Variants in ALX4 observed in about 807,000 individuals in gnomAD.
The protein encoded by ALX4 is homeobox protein aristaless-like 4.
In ALX4, 22 loss-of-function variants were observed where a neutral mutation model predicts 40.6. That is an observed-to-expected ratio of 0.54 (90% confidence interval 0.39 to 0.77). The LOEUF (loss-of-function observed/expected upper bound fraction) is 0.77, where lower values mean the gene tolerates loss of function less well. ALX4 is among the 30% of genes least tolerant of loss of function. The pLI, the probability that ALX4 is intolerant of heterozygous loss-of-function variation, is 0.00. For synonymous variants in ALX4, 266 were observed against 240.5 expected (o/e 1.11, Z -0.98); for missense variants, 556 against 564.8 (o/e 0.98, Z 0.16).
rs557311530 is a variant in ALX4, at chr11:44,300,464, G to A, written c.466+9133C>T. On this transcript the variant is annotated intron_variant, in intron 1 of 3. Transcript: ENST00000652299. ...ATCCTTGTGGCCACATAGAGACATC[G>A]GGGAGGCTCACATATCCAGGAGGAC... is the stretch of plus-strand genomic sequence containing the variant. Among the ~76,000 whole-genome samples the A allele has an allele frequency of 6.6e-5, 10 of 152,248 alleles. No homozygotes were observed. In the East Asian group the frequency reaches 7.7e-4, roughly 12 times the overall value.
rs886048304 is a variant in ALX4, at chr11:44,264,775, C to G, written c.*79G>C. ...CAGGCCAGGTTCCTAAGAGGAAAGT[C>G]GAGTGGGAGGCTGGGGGCCTGGAAA... On this transcript the variant is annotated 3_prime_UTR_variant, in exon 4 of 4. Transcript: ENST00000652299. The G allele has an allele frequency of 6.6e-7, 1 of 1,522,462 alleles. No individual in the cohort carries two copies. The highest frequency in any genetic ancestry group is 1.8e-5 in the Admixed American group (1 of 55,440). 94.3% of individuals were successfully genotyped at this position (1,522,462 alleles called of 1,614,324 possible). A position where few individuals can be genotyped will look rare whatever the true frequency, so the allele number is the denominator to read the frequency against.
At chr11:44,305,330 T>C (rs952336021) in intron 1 of ALX4, among the ~76,000 whole-genome samples, 6 of 152,228 alleles carry the variant, frequency 3.9e-5, no homozygotes, top group Admixed American at 1.3e-4. Flanking sequence ...TAACAACTTT[T>C]GTGTTTGGAC....
intron 1 of ALX4, among the ~76,000 whole-genome samples, chr11:44,302,497 T>C (rs1448269914): frequency 1.3e-5 from 2 of 152,272 alleles, no homozygotes; most frequent in African/African-American, 2.4e-5. Flanking sequence ...TACAAAACAC[T>C]TGGAAGGACA....
chr11:44,310,092 C>A lies in ALX4; in HGVS notation c.-30G>T, dbSNP rs748167884. On this transcript the variant is annotated 5_prime_UTR_variant, in exon 1 of 4. Coordinates refer to ENST00000652299, the MANE Select transcript of ALX4 (RefSeq NM_021926.4). ...GGCTTGCGCAGGCGGCGGGCGGGGA[C>A]GCGAGCGAGGGCGCGAGGACGCCAC... The A allele has an allele frequency of 6.4e-7, 1 of 1,555,478 alleles. No homozygotes were observed. Among genetic ancestry groups the A allele is most frequent in the South Asian group, 1.2e-5 (1 of 83,966 alleles).
At position 44,267,581 on chromosome 11, in the gene ALX4, C is replaced by T. The variant is rs768535130; in HGVS notation, c.819G>A (p.Glu273=). The change falls in exon 3 of 4, where the codon GAG becomes GAA. Residue 273 remains glutamate (E), a synonymous_variant. Transcript: ENST00000652299. ...GAACCTGCTGCATCTGCCCAAAACGCTCCCGCTTCCTCCACTTGGCCCTTC... is the reference window on the plus strand; with the variant it reads ...GAACCTGCTGCATCTGCCCAAAACGTTCCCGCTTCCTCCACTTGGCCCTTC... The part of the protein sequence containing the change: ...QNRRAKWRKR[E]RFGQMQQVRT... The T allele has an allele frequency of 6.2e-7, 1 of 1,614,152 alleles. No individual in the cohort carries two copies. Among genetic ancestry groups the T allele is most frequent in the Non-Finnish European group, 8.5e-7 (1 of 1,180,030 alleles).
At chr11:44,302,004 C>T (rs1956437616) in intron 1 of ALX4, among the ~76,000 whole-genome samples, 1 of 152,164 alleles carries the variant, frequency 6.6e-6, no homozygotes, top group Non-Finnish European at 1.5e-5. Flanking sequence ...CGGGGACTTG[C>T]CACAGGGAGA....
intron 1 of ALX4, among the ~76,000 whole-genome samples, chr11:44,287,441 G>T (rs1292970818): frequency 4.6e-5 from 7 of 151,864 alleles, no homozygotes; most frequent in African/African-American, 1.5e-4. Flanking sequence ...GAGGCCAGAG[G>T]GGGTAAATGC....
At chr11:44,273,230 G>A (rs1216561783) in intron 2 of ALX4, among the ~76,000 whole-genome samples, 1 of 151,150 alleles carries the variant, frequency 6.6e-6, no homozygotes, top group Non-Finnish European at 1.5e-5. Context: ...TTGTTCTGAA[G>A]CTATTGATTT....
chr11:44,303,542 T>C (rs562383366), intron 1 of ALX4, among the ~76,000 whole-genome samples: 7 of 152,284 alleles, frequency 4.6e-5, no homozygotes, highest in Non-Finnish European at 7.4e-5. Context: ...TCCGCGGCCC[T>C]GAGTACCACC....
Position 44,260,765 on chromosome 11 carries a change from T to TA in ALX4, c.*4088_*4089insT, listed in dbSNP as rs2135302028. On this transcript the variant is annotated 3_prime_UTR_variant, in exon 4 of 4. Transcript: ENST00000652299. ...ATTTTTACTGTATTTTTAATATATA[T>TA]TTTTAATATTCCACCCCAGGCCATT... is the stretch of plus-strand genomic sequence containing the variant. 6.6e-6 allele frequency: 1 copy of TA among 152,282 alleles called. No individual in the cohort carries two copies. The allele number at this position is 152,282 out of a possible 1,614,324, so 9.4% of individuals were successfully genotyped here.
At chr11:44,285,165 A>T (rs1956331529) in intron 1 of ALX4, among the ~76,000 whole-genome samples, 1 of 152,222 alleles carries the variant, frequency 6.6e-6, no homozygotes, top group Non-Finnish European at 1.5e-5. Context: ...GGGTTTCGCC[A>T]TGTTGGCCAG....
chr11:44,280,608 G>A (rs1956304179), intron 1 of ALX4, among the ~76,000 whole-genome samples: 1 of 152,190 alleles, frequency 6.6e-6, no homozygotes, highest in African/African-American at 2.4e-5. Flanking sequence ...AGACAATGTA[G>A]TCCCAATCTG....
intron 3 of ALX4, among the ~76,000 whole-genome samples, chr11:44,266,500 G>C (rs77204861): frequency 0.19 from 29,224 of 152,170 alleles, 3,066 homozygotes; most frequent in Non-Finnish European, 0.23. Context: ...TGGGCTGGGG[G>C]AGAGGGAACA....
At chr11:44,288,932 G>A (rs903839500) in intron 1 of ALX4, among the ~76,000 whole-genome samples, 16 of 152,142 alleles carry the variant, frequency 1.1e-4, no homozygotes, top group South Asian at 2.1e-4. Context: ...CAAGGCCTGG[G>A]TCCCCTCCAT....
chr11:44,296,712 A>G (rs1956404549), intron 1 of ALX4, among the ~76,000 whole-genome samples: 1 of 151,960 alleles, frequency 6.6e-6, no homozygotes, highest in Admixed American at 6.6e-5. Flanking sequence ...GATTCCACCT[A>G]TAAGAGGTAC....
intron 1 of ALX4, among the ~76,000 whole-genome samples, chr11:44,302,260 C>T (rs571149257): frequency 2.2e-4 from 34 of 151,294 alleles, no homozygotes; most frequent in African/African-American, 8.0e-4. Context: ...TGCCTTTCAC[C>T]GGACTACACA....
At chr11:44,275,964 C>T (rs1339674809) in intron 1 of ALX4, among the ~76,000 whole-genome samples, 1 of 152,222 alleles carries the variant, frequency 6.6e-6, no homozygotes, top group Admixed American at 6.5e-5. Context: ...TAATCCCCAC[C>T]TCACTGACCC....
chr11:44,309,773 G>C lies in ALX4; in HGVS notation c.290C>G (p.Pro97Arg). 1.9e-6 allele frequency: 3 copies of C among 1,546,256 alleles called. No homozygotes were observed. The highest frequency in any genetic ancestry group is 2.6e-6 in the Non-Finnish European group (3 of 1,144,512). ...FNKFQPQPST[P>R]QPQPPPQPQP... The stretch of plus-strand genomic sequence containing the variant: ...CGGCTGCGGCGGCGGCTGGGGCTGC[G>C]GGGTCGACGGCTGGGGCTGGAACTT... The change falls in exon 1 of 4, where the codon CCG becomes CGG. Residue 97 changes from proline to arginine, a missense_variant. Transcript: ENST00000652299.
intron 1 of ALX4, among the ~76,000 whole-genome samples, chr11:44,282,498 AGAG>A (rs1392026475): frequency 6.6e-6 from 1 of 152,194 alleles, no homozygotes; most frequent in Non-Finnish European, 1.5e-5. Flanking sequence ...ACTTATTTTA[AGAG>A]GAGAGGAACC....
Sources: allele counts gnomAD v4.1 joint callset (sites outside exome capture counted in the v4.1 genomes callset), GRCh38; gene constraint gnomAD v4.1.1; transcripts MANE v1.5; gene names NCBI Gene and HGNC (gene_info 2026-07-23, HGNC 2026-07-21).